Variants in BAHCC1 observed in about 807,000 individuals in gnomAD.
BAHCC1 encodes BAH and coiled-coil domain-containing protein 1.
Under a neutral mutation model 88.2 loss-of-function variants are expected in BAHCC1, and 43 were observed. That is an observed-to-expected ratio of 0.49 (90% confidence interval 0.38 to 0.63). The LOEUF is 0.63. Ranked by LOEUF, BAHCC1 falls within the 20% of genes least tolerant of loss-of-function variation. BAHCC1 has a pLI of 0.00. For synonymous variants in BAHCC1, 1,510 were observed against 745.5 expected (o/e 2.03, Z -16.71); for missense variants, 3,023 against 1,654.8 (o/e 1.83, Z -14.34).
At chr17:81,429,628 G>A (rs2064238058) in intron 3 of BAHCC1, among the ~76,000 whole-genome samples, 2 of 152,268 alleles carry the variant, frequency 1.3e-5, no homozygotes, top group East Asian at 1.9e-4. Flanking sequence ...GGGGGCACGC[G>A]ACTCGGCCGG....
chr17:81,455,360 C>G lies in BAHCC1; in HGVS notation c.4539C>G (p.Ser1513Arg). ...PAKKRSKLER[S>R]VYAGLQTASV... is the part of the protein sequence containing the mutation. ...AGAAGCGAAGCAAGCTGGAGAGGAG[C>G]GTCTATGCGGGCCTGCAGACTGCCT... Residue 1513 changes from serine to arginine, a missense_variant, in exon 15 of 28, where the codon AGC becomes AGG. Ser to Arg is a moderately radical substitution (Grantham distance 110). Transcript: ENST00000675386. 1.4e-6 allele frequency: 1 copy of G among 716,716 alleles called. No homozygotes were observed. Among genetic ancestry groups the G allele is most frequent in the Non-Finnish European group, 2.6e-6 (1 of 384,958 alleles). 44.4% of individuals were successfully genotyped at this position (716,716 alleles called of 1,614,324 possible). A position where few individuals can be genotyped will look rare whatever the true frequency, so the allele number is the denominator to read the frequency against.
In BAHCC1 at chr17:81,435,969, G is replaced by A. The variant is rs545164541; in HGVS notation, c.359-2401G>A. Among the ~76,000 whole-genome samples, 2 of 152,258 alleles carry A rather than the reference G, an allele frequency of 1.3e-5. No homozygotes were observed. The highest frequency in any genetic ancestry group is 2.4e-5 in the African/African-American group (1 of 41,534). ...AGTTTTGAGAGTATGGTCTTATTGG[G>A]AAAAAGAAAGGGGCTTTCTGTCGCT... On this transcript the variant is annotated intron_variant, in intron 3 of 27. Coordinates refer to ENST00000675386, the MANE Select transcript of BAHCC1 (RefSeq NM_001377448.1). This position sits in a 1 kb window ranked among gnomAD's most constrained non-coding sequence, Gnocchi z 4.4.
Position 81,447,332 on chromosome 17 carries a change from C to T in BAHCC1, c.3460C>T (p.Leu1154=), listed in dbSNP as rs1171848843. 1 of 747,408 alleles carries T rather than the reference C, an allele frequency of 1.3e-6. No homozygotes were observed. The highest frequency in any genetic ancestry group is 1.4e-5 in the South Asian group (1 of 70,188). The allele number at this position is 747,408 out of a possible 1,614,324, so 46.3% of individuals were successfully genotyped here. A position where few individuals can be genotyped will look rare whatever the true frequency, so the allele number is the denominator to read the frequency against. The change falls in exon 11 of 28, where the codon CTA becomes TTA. Residue 1154 remains leucine (L), a synonymous_variant. Coordinates refer to ENST00000675386, the MANE Select transcript of BAHCC1 (RefSeq NM_001377448.1). ...KAADPSPLEG[L]QELQCAALLE... is the part of the protein sequence containing the mutation. ...AGCGGACCCCAGCCCACTAGAGGGG[C>T]TACAAGAACTGCAATGTGCGGCCCT... is the stretch of plus-strand genomic sequence containing the variant.
chr17:81,411,440 G>T lies in BAHCC1; in HGVS notation c.178+11523G>T. The T allele has an allele frequency of 2.8e-6, 1 of 357,298 alleles. No individual in the cohort carries two copies. The allele number at this position is 357,298 out of a possible 1,614,324, so 22.1% of individuals were successfully genotyped here. ...GATCAGGGAGGGTGGGGTTGGGGGG[G>T]AACAGGGTCCTTGAGGTCGTCAGCC... On this transcript the variant is annotated intron_variant, in intron 2 of 27. Transcript: ENST00000675386. The surrounding 1 kb of genome is among the most constrained non-coding windows in gnomAD (Gnocchi z 6.2).
chr17:81,437,683 G>GGACA (rs1287334410), intron 3 of BAHCC1, among the ~76,000 whole-genome samples: 1 of 152,156 alleles, frequency 6.6e-6, no homozygotes, highest in African/African-American at 2.4e-5. Flanking sequence ...CTGCCTTGAG[G>GGACA]GACAGACAGA....
chr17:81,416,087 CGTGT>C (rs1218187387), intron 2 of BAHCC1, among the ~76,000 whole-genome samples: 1 of 117,672 alleles, frequency 8.5e-6, no homozygotes, highest in Non-Finnish European at 1.8e-5. Context: ...TGCGTGTGTG[CGTGT>C]GTGTCCATGA....
rs1243779903 is a variant in BAHCC1, at chr17:81,435,563, AG to A, written c.359-2805del. ...CGTCTCAAAGGGGTCTGGGAAGGGG[AG>A]GTTCTGGAGCCCCGACGTTCTAGCA... is the stretch of plus-strand genomic sequence containing the variant. On this transcript the variant is annotated intron_variant, in intron 3 of 27. Transcript: ENST00000675386. The surrounding 1 kb of genome is among the most constrained non-coding windows in gnomAD (Gnocchi z 4.4). The A allele has an allele frequency of 3.8e-4, 175 of 457,804 alleles. 1 individual carries two copies. The highest frequency in any genetic ancestry group is 3.4e-3 in the African/African-American group (169 of 49,712). The allele number at this position is 457,804 out of a possible 1,614,324, so 28.4% of individuals were successfully genotyped here. A position where few individuals can be genotyped will look rare whatever the true frequency, so the allele number is the denominator to read the frequency against.
intron 2 of BAHCC1, among the ~76,000 whole-genome samples, chr17:81,416,908 C>G (rs1555648815): frequency 6.6e-6 from 1 of 152,198 alleles, no homozygotes; most frequent in African/African-American, 2.4e-5. Flanking sequence ...CTAGAGTCTC[C>G]CTACAGCCCG....
intron 18 of BAHCC1, 27 bp downstream of exon 18, chr17:81,458,493 C>A: frequency 1.5e-6 from 1 of 678,146 alleles, no homozygotes; most frequent in East Asian, 2.6e-5. Context: ...GGGTGCTGGG[C>A]GGAGAGGGTG....
intron 3 of BAHCC1, among the ~76,000 whole-genome samples, chr17:81,438,125 G>A (rs536523007): frequency 1.3e-5 from 2 of 152,340 alleles, no homozygotes; most frequent in East Asian, 1.9e-4. Context: ...AGGCCCCCTC[G>A]TCCGTCCTCC....
chr17:81,441,577 G>A (rs911420093), intron 4 of BAHCC1, among the ~76,000 whole-genome samples: 2 of 151,654 alleles, frequency 1.3e-5, no homozygotes, highest in East Asian at 3.9e-4. Context: ...CAGGAGAATG[G>A]CGTGAACCCG....
chr17:81,433,284 ACCTGGGGTGAGGGG>A (rs1417394152), intron 3 of BAHCC1, among the ~76,000 whole-genome samples: 2 of 152,106 alleles, frequency 1.3e-5, no homozygotes, highest in African/African-American at 4.8e-5. Flanking sequence ...GGGCCTGCCC[ACCTGGGGTGAGGGG>A]CCGTGTGTGG....
chr17:81,439,875 G>T (rs1283395375), intron 4 of BAHCC1, among the ~76,000 whole-genome samples: 3 of 152,104 alleles, frequency 2.0e-5, no homozygotes, highest in Non-Finnish European at 4.4e-5. Context: ...AGGCCAGTCT[G>T]CCCACCCTCT....
At chr17:81,439,364 A>C (rs973318400) in intron 4 of BAHCC1, among the ~76,000 whole-genome samples, 5 of 152,120 alleles carry the variant, frequency 3.3e-5, no homozygotes, top group African/African-American at 1.2e-4. Flanking sequence ...CATCGGTGAT[A>C]TCTAGGAGGG....
intron 14 of BAHCC1, among the ~76,000 whole-genome samples, chr17:81,454,785 G>A (rs1274962966): frequency 2.6e-5 from 4 of 152,142 alleles, no homozygotes; most frequent in African/African-American, 4.8e-5. Flanking sequence ...AGGTGCCAAG[G>A]CTGGGGCTGC....
At chr17:81,439,012 C>T (rs1178340987) in intron 4 of BAHCC1, among the ~76,000 whole-genome samples, 1 of 152,184 alleles carries the variant, frequency 6.6e-6, no homozygotes, top group Non-Finnish European at 1.5e-5. Context: ...AGAGGGGCTG[C>T]TCACCCCATT....
In BAHCC1 at chr17:81,463,782, C is replaced by G. The variant is rs782170185; in HGVS notation, c.7792C>G (p.Leu2598Val). The G allele has an allele frequency of 1.7e-5, 13 of 757,364 alleles. No individual in the cohort carries two copies. In the African/African-American group the frequency reaches 2.0e-4, roughly 12 times the overall value. The allele number at this position is 757,364 out of a possible 1,614,324, so 46.9% of individuals were successfully genotyped here. ...AGTYDPTTGR[L>V]VTADGVPILC ...CACCTACGACCCCACCACCGGGCGC[C>G]TGGTGACGGCTGATGGCGTGCCCAT... is the stretch of plus-strand genomic sequence containing the variant. Residue 2598 changes from leucine (L) to valine (V), a missense_variant, in exon 28 of 28, where the codon CTG (leucine) becomes GTG (valine). Physicochemically the swap from Leu to Val is conservative, Grantham distance 32. Transcript: ENST00000675386.
In BAHCC1 at chr17:81,451,787, G is replaced by A. The variant is rs782758693; in HGVS notation, c.4096G>A (p.Ala1366Thr). Residue 1366 changes from alanine (A) to threonine (T), a missense_variant, in exon 12 of 28, where the codon GCC becomes ACC. By Grantham distance (58) the Ala-to-Thr change is moderately conservative. Transcript: ENST00000675386. Reference sequence around the variant, plus strand: ...CACTGCCCCAGCGCAGCCGCCCACAGCCAACCCCTGCAGCGGCCCCAGGCT... The same window carrying A: ...CACTGCCCCAGCGCAGCCGCCCACAACCAACCCCTGCAGCGGCCCCAGGCT... ...SSTAPAQPPTANPCSGPRLTP... is the reference protein window; with the variant it reads ...SSTAPAQPPTTNPCSGPRLTP... The A allele has an allele frequency of 1.3e-6, 1 of 765,250 alleles. No homozygotes were observed. Among genetic ancestry groups the A allele is most frequent in the South Asian group, 1.4e-5 (1 of 73,438 alleles). 47.4% of individuals were successfully genotyped at this position (765,250 alleles called of 1,614,324 possible). A position where few individuals can be genotyped will look rare whatever the true frequency, so the allele number is the denominator to read the frequency against.
rs561989029 is a variant in BAHCC1 at position 81,461,734 on chromosome 17, G to A, written c.7071G>A (p.Leu2357=). 2.8e-6 allele frequency: 2 copies of A among 718,392 alleles called. No individual in the cohort carries two copies. The highest frequency in any genetic ancestry group is 3.5e-5 in the African/African-American group (2 of 57,432). The allele number at this position is 718,392 out of a possible 1,614,324, so 44.5% of individuals were successfully genotyped here. A position where few individuals can be genotyped will look rare whatever the true frequency, so the allele number is the denominator to read the frequency against. Residue 2357 remains leucine (L), a synonymous_variant, in exon 26 of 28, where the codon CTG becomes CTA. Coordinates refer to ENST00000675386, the MANE Select transcript of BAHCC1 (RefSeq NM_001377448.1). The part of the protein sequence containing the change: ...YSSDDEDPAL[L]LQTCLTHPVP... ...CAGACGACGAGGACCCGGCTCTGCT[G>A]CTGCAGACCTGCCTCACCCACCCCG...
Sources: allele counts gnomAD v4.1 joint callset (sites outside exome capture counted in the v4.1 genomes callset), GRCh38; gene constraint gnomAD v4.1.1; non-coding constraint Gnocchi (gnomAD v3.1); transcripts MANE v1.5; gene names NCBI Gene and HGNC (gene_info 2026-07-23, HGNC 2026-07-21).